TOP2B: variants seen among roughly 807,000 people sequenced by gnomAD.
TOP2B encodes DNA topoisomerase II beta.
Under a neutral mutation model 193.5 loss-of-function variants are expected in TOP2B, and 51 were observed. The ratio of observed to expected loss-of-function variants is 0.26; its 90% CI spans 0.21 to 0.33. The LOEUF (loss-of-function observed/expected upper bound fraction) is 0.33, where lower values mean the gene tolerates loss of function less well. Ranked by LOEUF, TOP2B falls within the 10% of genes least tolerant of loss-of-function variation. TOP2B has a pLI of 1.00. For synonymous variants in TOP2B, 634 were observed against 635.7 expected, an observed-to-expected ratio of 1.00 and a Z score of 0.04; for missense variants, 1,378 against 1,909.3, an observed-to-expected ratio of 0.72 and a Z score of 5.19.
At chr3:25,634,799 C>CAAAAAAAAAAA (rs1224120357) in intron 7 of TOP2B, among the ~76,000 whole-genome samples, 1 of 96,444 alleles carries the variant, frequency 1.0e-5, no homozygotes, top group Non-Finnish European at 2.0e-5. Context: ...AAAAAAAAAC[C>CAAAAAAAAAAA]AAAAAAAGGC....
chr3:25,636,120 G>T lies in TOP2B; in HGVS notation c.668C>A (p.Ser223Tyr). 3.1e-6 allele frequency: 5 copies of T among 1,597,998 alleles called. No individual in the cohort carries two copies. The highest frequency in any genetic ancestry group is 4.3e-6 in the Non-Finnish European group (5 of 1,170,880). Reference sequence around the variant, plus strand: ...ATCAAAATGTTTAATTTTGGCTTCAGAAGTCTTCATCATATTATTCATCCA... The same window carrying T: ...ATCAAAATGTTTAATTTTGGCTTCATAAGTCTTCATCATATTATTCATCCA... ...QTWMNNMMKT[S>Y]EAKIKHFDGE... Residue 223 changes from serine (S) to tyrosine (Y), a missense_variant, in exon 7 of 36, where the codon TCT (serine) becomes TAT (tyrosine). Coordinates refer to ENST00000264331, the MANE Select transcript of TOP2B (RefSeq NM_001330700.2).
At chr3:25,661,403 TA>T (rs1249647176) in intron 1 of TOP2B, among the ~76,000 whole-genome samples, 3 of 152,352 alleles carry the variant, frequency 2.0e-5, no homozygotes, top group Non-Finnish European at 2.9e-5. Flanking sequence ...AAATTTTTTT[TA>T]ATCTACCAAG....
intron 2 of TOP2B, among the ~76,000 whole-genome samples, chr3:25,644,889 G>A (rs994872300): frequency 6.6e-6 from 1 of 151,748 alleles, no homozygotes; most frequent in East Asian, 2.0e-4. Flanking sequence ...CCGCCTCCCA[G>A]GTTCACTGTC....
At chr3:25,628,747 G>T in intron 15 of TOP2B, 100 bp downstream of exon 15, 4 of 676,566 alleles carry the variant, frequency 5.9e-6, no homozygotes, top group South Asian at 2.5e-5. Context: ...AGCTATTTTC[G>T]AAGTCTAAAA....
chr3:25,621,073 T>C (rs1483895123), intron 21 of TOP2B, among the ~76,000 whole-genome samples: 2 of 152,200 alleles, frequency 1.3e-5, no homozygotes, highest in Non-Finnish European at 2.9e-5. Context: ...CCCCTACACC[T>C]ACTTCTCTCC....
chr3:25,624,470 A>G (rs1702742441), intron 19 of TOP2B, 25 bp from the exon 20 acceptor site: 4 of 1,596,498 alleles, frequency 2.5e-6, no homozygotes, highest in Admixed American at 1.8e-5. Context: ...AAGGCAGAAC[A>G]TAACATTAAT....
At chr3:25,645,544 G>C in intron 1 of TOP2B, 74 bp from the exon 2 acceptor site, 1 of 1,155,628 alleles carries the variant, frequency 8.7e-7, no homozygotes, top group South Asian at 2.2e-5. Flanking sequence ...CACGACATGG[G>C]TTTTCTTTTT....
intron 8 of TOP2B, among the ~76,000 whole-genome samples, chr3:25,633,574 A>C (rs1703019819): frequency 6.6e-6 from 1 of 152,180 alleles, no homozygotes; most frequent in South Asian, 2.1e-4. Context: ...GTTACAGAAA[A>C]AGGAATTTGT....
chr3:25,624,507 C>A (rs1702744437), intron 19 of TOP2B, 62 bp from the exon 20 acceptor site: 1 of 1,565,076 alleles, frequency 6.4e-7, no homozygotes, highest in Non-Finnish European at 8.6e-7. Context: ...AATTACTCCC[C>A]AACTTGAATT....
chr3:25,629,990 A>T (rs1458680568), intron 13 of TOP2B, 39 bp downstream of exon 13: 4 of 1,537,958 alleles, frequency 2.6e-6, no homozygotes, highest in Non-Finnish European at 1.7e-6. Flanking sequence ...AATCTGAAGA[A>T]GACATGAATT....
chr3:25,646,106 G>A (rs985017760), intron 1 of TOP2B, among the ~76,000 whole-genome samples: 5 of 151,888 alleles, frequency 3.3e-5, no homozygotes, highest in African/African-American at 9.7e-5. Flanking sequence ...AACCTCCCAA[G>A]AAATTTGAGT....
chr3:25,603,158 G>A (rs926120483), intron 33 of TOP2B, among the ~76,000 whole-genome samples: 15 of 152,168 alleles, frequency 9.9e-5, no homozygotes, highest in African/African-American at 3.6e-4. Flanking sequence ...GTATGTTTCA[G>A]GAAGTAATAC....
intron 1 of TOP2B, among the ~76,000 whole-genome samples, chr3:25,650,631 C>G (rs538113717): frequency 6.6e-6 from 1 of 152,216 alleles, no homozygotes; most frequent in East Asian, 1.9e-4. Context: ...ATTGTGGAAG[C>G]TGAACCGACT....
rs552914680 is a variant in TOP2B, at chr3:25,598,872, G to A, written c.4711-395C>T. ...GCACCGTGTGTAGTATGTGTGCACT[G>A]TAAGTGTTTAAAAAAATGCAAAGCA... On this transcript the variant is annotated intron_variant, in intron 35 of 35. Transcript: ENST00000264331. Among the ~76,000 whole-genome samples, 57 of 152,268 alleles carry A rather than the reference G, an allele frequency of 3.7e-4. 1 individual carries two copies. In the South Asian group the frequency reaches 0.012, roughly 32 times the overall value.
chr3:25,655,441 A>G (rs1559510642), intron 1 of TOP2B, among the ~76,000 whole-genome samples: 1 of 152,226 alleles, frequency 6.6e-6, no homozygotes, highest in Non-Finnish European at 1.5e-5. Context: ...AAATGCTAGA[A>G]AAATGCTACA....
chr3:25,603,179 T>G (rs1325586167), intron 33 of TOP2B, among the ~76,000 whole-genome samples: 3 of 152,088 alleles, frequency 2.0e-5, no homozygotes, highest in Non-Finnish European at 4.4e-5. Context: ...GGCTCCCAAG[T>G]TTTCAGGGTG....
Position 25,626,884 on chromosome 3 carries a change from G to T in TOP2B, c.2017-20C>A. 7.2e-7 allele frequency: 1 copy of T among 1,395,784 alleles called. No homozygotes were observed. The highest frequency in any genetic ancestry group is 9.9e-7 in the Non-Finnish European group (1 of 1,011,880). The allele number at this position is 1,395,784 out of a possible 1,614,324, so 86.5% of individuals were successfully genotyped here. A position where few individuals can be genotyped will look rare whatever the true frequency, so the allele number is the denominator to read the frequency against. On this transcript the variant is annotated intron_variant, in intron 16 of 35. Transcript: ENST00000264331. ...AAATGCCTGAAAGATTCCAGGTAACGATTTTGCACATTAAAAATAAAATAA... is the reference window on the plus strand; with the variant it reads ...AAATGCCTGAAAGATTCCAGGTAACTATTTTGCACATTAAAAATAAAATAA...
intron 1 of TOP2B, among the ~76,000 whole-genome samples, chr3:25,661,314 A>C (rs1703903435): frequency 6.6e-6 from 1 of 152,146 alleles, no homozygotes; most frequent in Non-Finnish European, 1.5e-5. Flanking sequence ...ATAATTATTG[A>C]AGCTTAAGGC....
At chr3:25,603,135 T>C (rs1702149046) in intron 33 of TOP2B, among the ~76,000 whole-genome samples, 1 of 152,166 alleles carries the variant, frequency 6.6e-6, no homozygotes, top group Non-Finnish European at 1.5e-5. Flanking sequence ...AACAGTTTGA[T>C]GAAGGAAACG....
Sources: gnomAD v4.1 joint callset for allele counts (sites outside exome capture counted in the v4.1 genomes callset) on GRCh38, gnomAD v4.1.1 for gene constraint, MANE v1.5 for transcripts, NCBI Gene and HGNC (gene_info 2026-07-23, HGNC 2026-07-21) for gene names.